Variants in THRB observed in about 807,000 individuals in gnomAD.
The protein encoded by THRB is nuclear receptor subfamily 1 group A member 2.
In THRB, 12 loss-of-function variants were observed where a neutral mutation model predicts 47.8. The ratio of observed to expected loss-of-function variants is 0.25; its 90% CI spans 0.16 to 0.41. The LOEUF (loss-of-function observed/expected upper bound fraction) is 0.41. Ranked by LOEUF, THRB falls within the 10% of genes least tolerant of loss-of-function variation. The pLI, the probability that THRB is intolerant of heterozygous loss-of-function variation, is 1.00. For missense variants in THRB, 348 were observed against 589.2 expected (o/e 0.59, Z 4.24); for synonymous variants, 218 against 212.2 (o/e 1.03, Z -0.24).
chr3:24,269,453 T>G (rs2053086863), intron 3 of THRB, among the ~76,000 whole-genome samples: 1 of 149,078 alleles, frequency 6.7e-6, no homozygotes, highest in African/African-American at 2.6e-5. Flanking sequence ...TTAAGTTATC[T>G]TCGCTGTGTT....
intron 1 of THRB, among the ~76,000 whole-genome samples, chr3:24,385,373 T>C (rs1266464443): frequency 6.6e-6 from 1 of 151,838 alleles, no homozygotes; most frequent in Non-Finnish European, 1.5e-5. Context: ...ATTAAAGCAT[T>C]GCCAGAGAAA....
intron 3 of THRB, among the ~76,000 whole-genome samples, chr3:24,265,387 C>G (rs548530771): frequency 6.6e-6 from 1 of 152,128 alleles, no homozygotes; most frequent in Admixed American, 6.5e-5. Context: ...TAGGAAATGT[C>G]TCAGTGCTTC....
intron 5 of THRB, among the ~76,000 whole-genome samples, chr3:24,177,391 A>G (rs909929505): frequency 2.6e-5 from 4 of 152,174 alleles, no homozygotes; most frequent in African/African-American, 9.7e-5. Flanking sequence ...AATCCTACGA[A>G]AAAAGGGGTG....
intron 1 of THRB, among the ~76,000 whole-genome samples, chr3:24,384,820 AG>A (rs1383690703): frequency 6.6e-6 from 1 of 152,130 alleles, no homozygotes; most frequent in Non-Finnish European, 1.5e-5. Context: ...ATGTCAGAAT[AG>A]GGGTTACATT....
At chr3:24,131,561 C>G (rs1162329122) in intron 9 of THRB, among the ~76,000 whole-genome samples, 1 of 152,190 alleles carries the variant, frequency 6.6e-6, no homozygotes, top group Non-Finnish European at 1.5e-5. Flanking sequence ...CTTCAAAATC[C>G]ATATGTTGCA....
At chr3:24,129,850 G>A (rs1187539218) in intron 9 of THRB, among the ~76,000 whole-genome samples, 1 of 152,214 alleles carries the variant, frequency 6.6e-6, no homozygotes, top group East Asian at 1.9e-4. Flanking sequence ...AGCTCTGCCG[G>A]CGATGATTTT....
At chr3:24,336,301 G>A (rs1005797113) in intron 2 of THRB, among the ~76,000 whole-genome samples, 3 of 152,088 alleles carry the variant, frequency 2.0e-5, no homozygotes, top group Admixed American at 6.5e-5. Flanking sequence ...CAGGCGCCTC[G>A]ACAATAGGCC....
intron 3 of THRB, among the ~76,000 whole-genome samples, chr3:24,257,334 A>C (rs183600463): frequency 6.6e-6 from 1 of 152,260 alleles, no homozygotes; most frequent in East Asian, 1.9e-4. Context: ...ACAAGTCCAG[A>C]TGTTTATGAT....
chr3:24,482,459 C>T (rs918916041), intron 1 of THRB, among the ~76,000 whole-genome samples: 3 of 152,080 alleles, frequency 2.0e-5, no homozygotes, highest in Admixed American at 2.0e-4. Flanking sequence ...TAGATACCTA[C>T]CCTTCCCTTC....
chr3:24,487,073 T>A (rs1697411629), intron 1 of THRB, among the ~76,000 whole-genome samples: 1 of 152,182 alleles, frequency 6.6e-6, no homozygotes. Context: ...GACAGAAATT[T>A]AGCAGGACTT....
intron 1 of THRB, chr3:24,455,554 G>A (rs1452189372): frequency 1.3e-5 from 2 of 152,092 alleles, no homozygotes; most frequent in African/African-American, 4.8e-5. Flanking sequence ...TTAAAACACT[G>A]GTATCAACAT....
At chr3:24,405,747 A>G (rs1057462596) in intron 1 of THRB, among the ~76,000 whole-genome samples, 1 of 151,646 alleles carries the variant, frequency 6.6e-6, no homozygotes, top group African/African-American at 2.4e-5. Context: ...GAATTTTTAA[A>G]GTATTTTGTC....
At chr3:24,341,991 C>T (rs999407014) in intron 1 of THRB, among the ~76,000 whole-genome samples, 2 of 152,068 alleles carry the variant, frequency 1.3e-5, no homozygotes, top group Admixed American at 6.5e-5. Context: ...AGTGAGCCCA[C>T]CCAAGACTGG....
intron 8 of THRB, among the ~76,000 whole-genome samples, chr3:24,136,368 A>G (rs1452953199): frequency 2.0e-5 from 3 of 152,200 alleles, no homozygotes; most frequent in Non-Finnish European, 2.9e-5. Flanking sequence ...TACCAGAACA[A>G]CAAAAAAGAA....
At chr3:24,308,899 CT>C (rs2057547046) in intron 2 of THRB, among the ~76,000 whole-genome samples, 1 of 152,132 alleles carries the variant, frequency 6.6e-6, no homozygotes, top group Non-Finnish European at 1.5e-5. Context: ...TAGAATCTTT[CT>C]TCCTGGGAAG....
At chr3:24,443,253 G>C (rs2071731236) in intron 1 of THRB, among the ~76,000 whole-genome samples, 1 of 152,066 alleles carries the variant, frequency 6.6e-6, no homozygotes, top group African/African-American at 2.4e-5. Context: ...ACAAATAGAA[G>C]TAGAAACACT....
chr3:24,410,181 A>T (rs151251595), intron 1 of THRB, among the ~76,000 whole-genome samples: 1 of 151,990 alleles, frequency 6.6e-6, no homozygotes, highest in African/African-American at 2.4e-5. Context: ...CATTAGAAAA[A>T]TAATATTAAC....
At chr3:24,474,537 C>T (rs558585024) in intron 1 of THRB, among the ~76,000 whole-genome samples, 28 of 152,186 alleles carry the variant, frequency 1.8e-4, no homozygotes, top group Non-Finnish European at 3.1e-4. Flanking sequence ...ATTTGCCATC[C>T]TAGGCTTTGT....
At chr3:24,450,816 G>A (rs2072576808) in intron 1 of THRB, among the ~76,000 whole-genome samples, 1 of 152,088 alleles carries the variant, frequency 6.6e-6, no homozygotes, top group South Asian at 2.1e-4. Flanking sequence ...ATCTTAAAGT[G>A]CCACTGACAT....
Sources: gnomAD v4.1 joint callset for allele counts (sites outside exome capture counted in the v4.1 genomes callset) on GRCh38, gnomAD v4.1.1 for gene constraint, MANE v1.5 for transcripts, NCBI Gene and HGNC (gene_info 2026-07-23, HGNC 2026-07-21) for gene names.